The following MEF2A variants were observed in gnomAD, a reference collection of about 807,000 sequenced individuals.
MEF2A encodes the protein myocyte-specific enhancer factor 2A.
In MEF2A, 28 loss-of-function variants were observed where a neutral mutation model predicts 55.8. The ratio of observed to expected loss-of-function variants is 0.50; its 90% confidence interval spans 0.37 to 0.69. The LOEUF is 0.69. MEF2A is among the 30% of genes least tolerant of loss of function. The pLI is 0.00. For synonymous variants in MEF2A, 239 were observed against 227.1 expected (o/e 1.05, Z -0.47); for missense variants, 528 against 626.2 (o/e 0.84, Z 1.67).
At chr15:99,624,820 TTA>T (rs1363545265) in intron 2 of MEF2A, among the ~76,000 whole-genome samples, 3 of 152,214 alleles carry the variant, frequency 2.0e-5, no homozygotes, top group Non-Finnish European at 4.4e-5. Context: ...TTCCATTTGT[TTA>T]TGTCTTTATT....
intron 4 of MEF2A, among the ~76,000 whole-genome samples, chr15:99,652,112 TA>T (rs1341322665): frequency 6.6e-6 from 1 of 152,190 alleles, no homozygotes; most frequent in Non-Finnish European, 1.5e-5. Context: ...AGGATGGAGA[TA>T]AAGTTGCTCT....
chr15:99,597,054 A>G (rs1971428058), intron 1 of MEF2A, among the ~76,000 whole-genome samples: 1 of 152,182 alleles, frequency 6.6e-6, no homozygotes, highest in Non-Finnish European at 1.5e-5. Context: ...ATTATACAGC[A>G]TGTGTGTTTG....
At chr15:99,698,240 C>T (rs1158567936) in intron 8 of MEF2A, among the ~76,000 whole-genome samples, 2 of 152,048 alleles carry the variant, frequency 1.3e-5, no homozygotes, top group African/African-American at 2.4e-5. Context: ...TATAGGACAA[C>T]CTACAGATTA....
chr15:99,611,036 G>C (rs1977079567), intron 2 of MEF2A, among the ~76,000 whole-genome samples: 1 of 152,242 alleles, frequency 6.6e-6, no homozygotes, highest in African/African-American at 2.4e-5. Flanking sequence ...GAGGTCAGGA[G>C]TTCGAGACCA....
At chr15:99,659,015 T>G (rs1411865060) in intron 4 of MEF2A, among the ~76,000 whole-genome samples, 1 of 152,136 alleles carries the variant, frequency 6.6e-6, no homozygotes, top group Non-Finnish European at 1.5e-5. Flanking sequence ...TCGATAAATT[T>G]TGTTGAATGA....
At chr15:99,698,802 A>C (rs1344841980) in intron 8 of MEF2A, among the ~76,000 whole-genome samples, 1 of 152,124 alleles carries the variant, frequency 6.6e-6, no homozygotes, top group Non-Finnish European at 1.5e-5. Flanking sequence ...CAAAAAAAAA[A>C]ACAAAAACGC....
At chr15:99,618,766 TAGGC>T (rs1431505103) in intron 2 of MEF2A, among the ~76,000 whole-genome samples, 2 of 152,178 alleles carry the variant, frequency 1.3e-5, no homozygotes, top group African/African-American at 2.4e-5. Flanking sequence ...ATCTAGGTAA[TAGGC>T]AGGCATTCTC....
At chr15:99,606,413 T>G (rs1364385072) in intron 2 of MEF2A, among the ~76,000 whole-genome samples, 1 of 152,084 alleles carries the variant, frequency 6.6e-6, no homozygotes, top group Non-Finnish European at 1.5e-5. Context: ...ATTAAGAAAT[T>G]TTGTTCTTGC....
chr15:99,567,391 A>G (rs1960137935), intron 1 of MEF2A, among the ~76,000 whole-genome samples: 1 of 152,204 alleles, frequency 6.6e-6, no homozygotes, highest in South Asian at 2.1e-4. Context: ...AATTAGGTGT[A>G]CATTACCCAA....
intron 8 of MEF2A, among the ~76,000 whole-genome samples, chr15:99,699,075 A>C (rs868510807): frequency 3.4e-5 from 5 of 146,748 alleles, no homozygotes; most frequent in African/African-American, 7.4e-5. Context: ...AAAAAACAAA[A>C]AAAACTTGCT....
chr15:99,693,459 T>A (rs919914217), intron 8 of MEF2A, among the ~76,000 whole-genome samples: 10 of 151,788 alleles, frequency 6.6e-5, no homozygotes, highest in African/African-American at 2.2e-4. Context: ...GCACACACAC[T>A]CTCACTCCTA....
intron 1 of MEF2A, among the ~76,000 whole-genome samples, chr15:99,579,609 T>A (rs1402322531): frequency 6.6e-6 from 1 of 152,198 alleles, no homozygotes; most frequent in African/African-American, 2.4e-5. Context: ...TTGGCCAGCC[T>A]GGTCTCGGAC....
chr15:99,678,468 A>G (rs2052551151), intron 7 of MEF2A, among the ~76,000 whole-genome samples: 1 of 152,246 alleles, frequency 6.6e-6, no homozygotes, highest in Non-Finnish European at 1.5e-5. Context: ...GCTCCAGTTT[A>G]GAAACTCGTG....
In MEF2A at chr15:99,645,609, C is replaced by T. The variant is rs1434408562; in HGVS notation, c.103C>T (p.Leu35Phe). 1 of 1,613,668 alleles carries T rather than the reference C, an allele frequency of 6.2e-7. No individual in the cohort carries two copies. The highest frequency in any genetic ancestry group is 8.5e-7 in the Non-Finnish European group (1 of 1,179,720). Residue 35 changes from leucine to phenylalanine, a missense_variant, in exon 4 of 12, where the codon CTT becomes TTT. Transcript: ENST00000557942. Reference protein sequence around the residue: ...KFGLMKKAYELSVLCDCEIAL... With the variant: ...KFGLMKKAYEFSVLCDCEIAL... ...TGGATTAATGAAGAAAGCCTATGAA[C>T]TTAGTGTGCTCTGTGACTGTGAAAT...
intron 1 of MEF2A, among the ~76,000 whole-genome samples, chr15:99,574,139 C>G (rs1963482031): frequency 6.6e-6 from 1 of 150,730 alleles, no homozygotes; most frequent in Non-Finnish European, 1.5e-5. Context: ...GCCGCAGATT[C>G]ACCAGTTGTT....
intron 8 of MEF2A, among the ~76,000 whole-genome samples, chr15:99,695,545 G>GTT (rs2056321650): frequency 1.3e-5 from 2 of 151,228 alleles, no homozygotes; most frequent in Middle Eastern, 3.4e-3. Context: ...TCAGATTTGT[G>GTT]TGTGTGTGTG....
In MEF2A at chr15:99,674,465, A is replaced by C; in HGVS notation, c.463A>C (p.Thr155Pro). 1 of 1,613,916 alleles carries C rather than the reference A, an allele frequency of 6.2e-7. No individual in the cohort carries two copies. Among genetic ancestry groups the C allele is most frequent in the South Asian group, 1.1e-5 (1 of 91,084 alleles). The change falls in exon 6 of 12, where the codon ACT (threonine) becomes CCT (proline). Residue 155 changes from threonine (T) to proline (P), a missense_variant. Physicochemically the swap from Thr to Pro is conservative, Grantham distance 38. This residue lies in a region of MEF2A where 450 missense variants were observed against 475.3 expected (regional missense o/e 0.95). Transcript: ENST00000557942. Reference protein sequence around the residue: ...PVTSPNALSYTNPGSSLVSPS... With the variant: ...PVTSPNALSYPNPGSSLVSPS... ...GACCAGCCCCAATGCTTTGTCCTAC[A>C]CTAACCCAGGGAGTTCACTGGTGTC...
intron 2 of MEF2A, among the ~76,000 whole-genome samples, chr15:99,627,883 T>C (rs1200127758): frequency 6.6e-6 from 1 of 152,234 alleles, no homozygotes; most frequent in Admixed American, 6.5e-5. Context: ...AGAAAGTAAC[T>C]GCATATGAAG....
intron 2 of MEF2A, among the ~76,000 whole-genome samples, chr15:99,615,653 C>T (rs753624969): frequency 2.3e-4 from 35 of 152,144 alleles, no homozygotes; most frequent in Non-Finnish European, 3.7e-4. Flanking sequence ...TGAATGCAGG[C>T]GGGCATGCTG....
Sources: gnomAD v4.1 joint callset for allele counts (sites outside exome capture counted in the v4.1 genomes callset) on GRCh38, gnomAD v4.1.1 for gene constraint, gnomAD v4.1.1 regional missense constraint, MANE v1.5 for transcripts, NCBI Gene and HGNC (gene_info 2026-07-23, HGNC 2026-07-21) for gene names.